TMCC1: variants seen among roughly 807,000 people sequenced by gnomAD.
The protein encoded by TMCC1 is transmembrane and coiled-coil domains protein 1.
A neutral mutation model predicts 52.4 loss-of-function variants in TMCC1; 15 were observed. The observed-to-expected ratio is 0.29, with a 90% CI of 0.19 to 0.44. The LOEUF (loss-of-function observed/expected upper bound fraction) is 0.44, where lower values mean the gene tolerates loss of function less well. Among genes scored for constraint, TMCC1 ranks in the 20% least tolerant of loss-of-function variants. The probability of loss-of-function intolerance (pLI) is 1.00; values close to 1 mark genes in which losing one functional copy is unlikely to be tolerated. For synonymous variants in TMCC1, 279 were observed against 301.9 expected (o/e 0.92, Z 0.79); for missense variants, 503 against 806.0 (o/e 0.62, Z 4.55).
intron 4 of TMCC1, among the ~76,000 whole-genome samples, chr3:129,756,371 ATGCTATTGT>A (rs2053012666): frequency 6.6e-6 from 1 of 152,184 alleles, no homozygotes; most frequent in African/African-American, 2.4e-5. Context: ...AAAAAGGAAA[ATGCTATTGT>A]TTCTATTGAT....
At chr3:129,683,493 G>C (rs185008298) in intron 4 of TMCC1, among the ~76,000 whole-genome samples, 158 of 152,318 alleles carry the variant, frequency 1.0e-3, no homozygotes, top group African/African-American at 3.4e-3. Flanking sequence ...ACCCATGTCT[G>C]ATCTTTGACA....
chr3:129,765,862 C>T (rs147715919), intron 4 of TMCC1, among the ~76,000 whole-genome samples: 1 of 151,834 alleles, frequency 6.6e-6, no homozygotes, highest in Non-Finnish European at 1.5e-5. Flanking sequence ...CTTATTTCTA[C>T]TCTAAAACTG....
At chr3:129,882,867 G>C (rs936150381) in intron 1 of TMCC1, among the ~76,000 whole-genome samples, 9 of 152,076 alleles carry the variant, frequency 5.9e-5, no homozygotes, top group Non-Finnish European at 1.2e-4. Context: ...GCCAGAGGAG[G>C]GGGTCTGGGG....
At position 129,864,917 on chromosome 3, in the gene TMCC1, A is replaced by G. The variant is rs144372660; in HGVS notation, c.-184+15392T>C. ...TTTTAAAGAATATGTTTGGCAACCA[A>G]AAACATTAATACAGTCATTTATCCA... On this transcript the variant is annotated intron_variant, in intron 2 of 6. Transcript: ENST00000393238. Among the ~76,000 whole-genome samples the G allele has an allele frequency of 6.9e-3, 1,051 of 152,320 alleles. 20 individuals carry two copies. The highest frequency in any genetic ancestry group is 0.024 in the African/African-American group (1,002 of 41,562).
chr3:129,746,118 T>C (rs912539504), intron 4 of TMCC1, among the ~76,000 whole-genome samples: 2 of 151,700 alleles, frequency 1.3e-5, no homozygotes, highest in African/African-American at 4.8e-5. Flanking sequence ...AAAAAACAAC[T>C]AAGTACCCTT....
At chr3:129,796,337 T>C (rs566992932) in intron 4 of TMCC1, among the ~76,000 whole-genome samples, 1 of 152,334 alleles carries the variant, frequency 6.6e-6, no homozygotes, top group Admixed American at 6.5e-5. Flanking sequence ...CTCACAATGA[T>C]GAAATCACCT....
intron 4 of TMCC1, among the ~76,000 whole-genome samples, chr3:129,797,332 A>AC (rs902596878): frequency 4.6e-4 from 70 of 151,874 alleles, no homozygotes; most frequent in African/African-American, 1.6e-3. Context: ...TCTCAAACAA[A>AC]AAAAAAAAAC....
At chr3:129,689,679 G>A (rs1020630250) in intron 4 of TMCC1, among the ~76,000 whole-genome samples, 2 of 152,132 alleles carry the variant, frequency 1.3e-5, no homozygotes, top group South Asian at 2.1e-4. Context: ...CACCAGCTGC[G>A]TTTAACATCT....
chr3:129,761,827 C>T (rs1003496181), intron 4 of TMCC1, among the ~76,000 whole-genome samples: 5 of 151,786 alleles, frequency 3.3e-5, no homozygotes, highest in African/African-American at 1.2e-4. Context: ...CCCATCTCTA[C>T]TAAAAATACA....
At chr3:129,817,729 C>A (rs1158895272) in intron 4 of TMCC1, among the ~76,000 whole-genome samples, 3 of 152,004 alleles carry the variant, frequency 2.0e-5, no homozygotes, top group Non-Finnish European at 4.4e-5. Context: ...CTCACTGCAA[C>A]CTCCACCTCC....
chr3:129,834,266 G>C (rs1374292094), intron 2 of TMCC1, among the ~76,000 whole-genome samples: 2 of 152,198 alleles, frequency 1.3e-5, no homozygotes, highest in African/African-American at 4.8e-5. Context: ...ATACTGTAAA[G>C]AGGTCAGATG....
At chr3:129,728,800 G>C (rs1021139143) in intron 4 of TMCC1, among the ~76,000 whole-genome samples, 1 of 152,066 alleles carries the variant, frequency 6.6e-6, no homozygotes, top group Non-Finnish European at 1.5e-5. Context: ...ATCTTTCTGA[G>C]AGTGTCACAT....
At chr3:129,773,509 T>G (rs1307145269) in intron 4 of TMCC1, among the ~76,000 whole-genome samples, 1 of 152,186 alleles carries the variant, frequency 6.6e-6, no homozygotes, top group Non-Finnish European at 1.5e-5. Context: ...ATGTAAATGC[T>G]CTATTTAATT....
intron 1 of TMCC1, among the ~76,000 whole-genome samples, chr3:129,883,677 T>TA (rs1246504732): frequency 6.6e-6 from 1 of 151,862 alleles, no homozygotes; most frequent in African/African-American, 2.4e-5. Flanking sequence ...TTTACCACAA[T>TA]AAAAAAAATA....
chr3:129,887,394 TA>T (rs1427772349), intron 1 of TMCC1, among the ~76,000 whole-genome samples: 10 of 151,610 alleles, frequency 6.6e-5, no homozygotes, highest in African/African-American at 2.4e-4. Context: ...ATACAAAAAT[TA>T]GCTGGGCATG....
intron 4 of TMCC1, among the ~76,000 whole-genome samples, chr3:129,699,476 G>T (rs1576491437): frequency 6.6e-6 from 1 of 152,292 alleles, no homozygotes; most frequent in East Asian, 1.9e-4. Context: ...AAACTCATTA[G>T]TATTCCACCC....
chr3:129,865,016 G>A (rs1196886009), intron 2 of TMCC1, among the ~76,000 whole-genome samples: 6 of 152,162 alleles, frequency 3.9e-5, no homozygotes, highest in African/African-American at 1.2e-4. Context: ...AGATACAGGA[G>A]ACTTTGTTCT....
At chr3:129,657,394 T>C (rs2086732674) in intron 5 of TMCC1, among the ~76,000 whole-genome samples, 1 of 152,118 alleles carries the variant, frequency 6.6e-6, no homozygotes, top group Non-Finnish European at 1.5e-5. Context: ...CCCAAGAGGG[T>C]AGAAGGTATT....
At chr3:129,788,802 T>C (rs2056236556) in intron 4 of TMCC1, among the ~76,000 whole-genome samples, 1 of 152,136 alleles carries the variant, frequency 6.6e-6, no homozygotes, top group Non-Finnish European at 1.5e-5. Context: ...CAGAAGAACA[T>C]CATCAATCTT....
Sources: gnomAD v4.1 joint callset for allele counts (sites outside exome capture counted in the v4.1 genomes callset) on GRCh38, gnomAD v4.1.1 for gene constraint, MANE v1.5 for transcripts, NCBI Gene and HGNC (gene_info 2026-07-23, HGNC 2026-07-21) for gene names.